Variants in ROS1 observed in about 807,000 individuals in gnomAD.
The protein encoded by ROS1 is ROS proto-oncogene 1, receptor tyrosine kinase, also known as proto-oncogene tyrosine-protein kinase ROS.
A neutral mutation model predicts 273.5 loss-of-function variants in ROS1; 263 were observed. The ratio of observed to expected loss-of-function variants is 0.96; its 90% confidence interval spans 0.87 to 1.06. The LOEUF is 1.06. Ranked by LOEUF, ROS1 falls within the 50% of genes least tolerant of loss-of-function variation. ROS1 has a pLI of 0.00. For synonymous variants in ROS1, 1,008 were observed against 954.1 expected, an observed-to-expected ratio of 1.06 and a Z score of -1.04; for missense variants, 2,833 against 2,751.1, an observed-to-expected ratio of 1.03 and a Z score of -0.67.
In ROS1 at chr6:117,337,289, C is replaced by A. The variant is rs1344810205; in HGVS notation, c.5113G>T (p.Ala1705Ser). 9.9e-6 allele frequency: 16 copies of A among 1,612,464 alleles called. No homozygotes were observed. The highest frequency in any genetic ancestry group is 1.4e-5 in the Non-Finnish European group (16 of 1,179,034). Residue 1705 changes from alanine (A) to serine (S), a missense_variant, in exon 32 of 44, where the codon GCT (alanine) becomes TCT (serine). Transcript: ENST00000368507. ...AGATTTGTGATATTACAGACATAAG[C>A]AGGACCTTGGCTGCATGAAGTTTTA... ...HVKTSCSQGP[A>S]YVCNITNLQP...
intron 43 of ROS1, among the ~76,000 whole-genome samples, chr6:117,290,766 T>G (rs1056232241): frequency 6.6e-6 from 1 of 152,156 alleles, no homozygotes; most frequent in African/African-American, 2.4e-5. Flanking sequence ...TCCACCCCAT[T>G]AGGTCAGTAG....
chr6:117,337,127 A>G, intron 32 of ROS1, 45 bp downstream of exon 32: 7 of 1,484,216 alleles, frequency 4.7e-6, no homozygotes, highest in Non-Finnish European at 6.5e-6. Flanking sequence ...TAAGAAAAAA[A>G]CTGAAACACA....
chr6:117,356,290 G>A (rs780188688), intron 26 of ROS1, among the ~76,000 whole-genome samples: 11 of 152,126 alleles, frequency 7.2e-5, no homozygotes. Flanking sequence ...TTCCTCATCT[G>A]TAAAATGAGG....
At position 117,343,927 on chromosome 6, in the gene ROS1, G is replaced by T. The variant is rs1778150486; in HGVS notation, c.4506+133C>A. On this transcript the variant is annotated intron_variant, in intron 28 of 43. Coordinates refer to ENST00000368507, the MANE Select transcript of ROS1 (RefSeq NM_001378902.1). ...AAACTAGAACACAATATGTTTTGAT[G>T]AATCATTAGCTGTAAAAAAGTTGCG... 6.0e-6 allele frequency: 4 copies of T among 670,106 alleles called. No individual in the cohort carries two copies. The South Asian group carries it at 7.8e-5, about 13-fold the overall frequency. 41.5% of individuals were successfully genotyped at this position (670,106 alleles called of 1,614,324 possible). A position where few individuals can be genotyped will look rare whatever the true frequency, so the allele number is the denominator to read the frequency against.
Position 117,407,637 on chromosome 6 carries a change from T to C in ROS1, c.316+1945A>G, listed in dbSNP as rs555206813. Among the ~76,000 whole-genome samples the C allele has an allele frequency of 2.6e-5, 4 of 152,320 alleles. No homozygotes were observed. The South Asian group carries it at 8.3e-4, about 32-fold the overall frequency. On this transcript the variant is annotated intron_variant, in intron 5 of 43. Coordinates refer to ENST00000368507, the MANE Select transcript of ROS1 (RefSeq NM_001378902.1). ...ATACTTTCCAGTCATTAAAACATAC[T>C]GCCCAAAGTAATTTACAGATTCAAT...
chr6:117,318,689 G>A (rs776588086), intron 37 of ROS1, among the ~76,000 whole-genome samples: 4 of 152,064 alleles, frequency 2.6e-5, no homozygotes, highest in Non-Finnish European at 4.4e-5. Context: ...AAATTGGGGT[G>A]GTCATATAAC....
At chr6:117,321,115 T>C in intron 36 of ROS1, 144 bp downstream of exon 36, 1 of 805,998 alleles carries the variant, frequency 1.2e-6, no homozygotes, top group African/African-American at 1.7e-5. Flanking sequence ...CATTTGAGAG[T>C]GGAAGAGGAA....
chr6:117,388,642 T>C (rs1772793430), intron 13 of ROS1, among the ~76,000 whole-genome samples: 1 of 152,170 alleles, frequency 6.6e-6, no homozygotes, highest in Non-Finnish European at 1.5e-5. Flanking sequence ...TACAACGACA[T>C]AATTGAGTAG....
chr6:117,384,017 C>A (rs926684132), intron 16 of ROS1, among the ~76,000 whole-genome samples: 1 of 152,140 alleles, frequency 6.6e-6, no homozygotes, highest in Non-Finnish European at 1.5e-5. Context: ...TTTCTATTCC[C>A]TATTTTTTCA....
intron 33 of ROS1, among the ~76,000 whole-genome samples, 165 bp downstream of exon 33, chr6:117,329,164 C>T (rs1269854107): frequency 6.6e-6 from 1 of 152,214 alleles, no homozygotes; most frequent in Non-Finnish European, 1.5e-5. Flanking sequence ...CCAAGACCAA[C>T]GTCTAGGAAT....
intron 7 of ROS1, among the ~76,000 whole-genome samples, chr6:117,397,737 T>C (rs758865627): frequency 6.6e-6 from 1 of 152,220 alleles, no homozygotes; most frequent in Non-Finnish European, 1.5e-5. Flanking sequence ...AAGGAGCATG[T>C]ATGAAACAAC....
intron 18 of ROS1, among the ~76,000 whole-genome samples, chr6:117,376,448 T>C (rs1240286744): frequency 6.6e-6 from 1 of 152,156 alleles, no homozygotes; most frequent in Admixed American, 6.5e-5. Flanking sequence ...AGCAATTCTA[T>C]ACAAATGCTT....
At chr6:117,329,887 C>A (rs1036820986) in intron 32 of ROS1, among the ~76,000 whole-genome samples, 1 of 152,188 alleles carries the variant, frequency 6.6e-6, no homozygotes, top group Admixed American at 6.5e-5. Flanking sequence ...GGCCTAGCAT[C>A]CCAACCCTAG....
intron 6 of ROS1, among the ~76,000 whole-genome samples, chr6:117,403,758 TG>T (rs1431243247): frequency 6.6e-6 from 1 of 152,174 alleles, no homozygotes; most frequent in African/African-American, 2.4e-5. Context: ...ATAGTATATA[TG>T]TCCAACATTA....
chr6:117,307,644 C>G (rs1279093649), intron 42 of ROS1, among the ~76,000 whole-genome samples: 2 of 152,042 alleles, frequency 1.3e-5, no homozygotes, highest in African/African-American at 4.8e-5. Context: ...TATCTGATCT[C>G]CCTGTAAACA....
At chr6:117,320,069 A>G (rs924116962) in intron 36 of ROS1, 39 bp from the exon 37 acceptor site, 1 of 1,576,962 alleles carries the variant, frequency 6.3e-7, no homozygotes, top group Admixed American at 1.7e-5. Flanking sequence ...CACCCTCCAC[A>G]TATATAGGGT....
chr6:117,326,145 C>A (rs1017352258), intron 34 of ROS1, 79 bp downstream of exon 34: 3 of 505,544 alleles, frequency 5.9e-6, no homozygotes, highest in Non-Finnish European at 1.0e-5. Flanking sequence ...TTATCTATTG[C>A]TAATGTTAAG....
At chr6:117,355,561 T>C (rs1350326550) in intron 26 of ROS1, among the ~76,000 whole-genome samples, 2 of 152,180 alleles carry the variant, frequency 1.3e-5, no homozygotes, top group African/African-American at 2.4e-5. Flanking sequence ...TTTGAGCACT[T>C]GAAGTTTAGC....
intron 37 of ROS1, 104 bp downstream of exon 37, chr6:117,319,764 C>G: frequency 1.9e-6 from 2 of 1,033,608 alleles, no homozygotes; most frequent in South Asian, 1.7e-5. Context: ...TCAACCAGTC[C>G]TCTTTTCAAC....
Sources: gnomAD v4.1 joint callset for allele counts (sites outside exome capture counted in the v4.1 genomes callset) on GRCh38, gnomAD v4.1.1 for gene constraint, MANE v1.5 for transcripts, NCBI Gene and HGNC (gene_info 2026-07-23, HGNC 2026-07-21) for gene names.